NIT2: variants seen among roughly 807,000 people sequenced by gnomAD.
The protein encoded by NIT2 is omega-amidase NIT2.
In NIT2, 46 loss-of-function variants were observed where a neutral mutation model predicts 42.7. The observed-to-expected ratio is 1.08, with a 90% confidence interval of 0.85 to 1.38. NIT2 has a LOEUF of 1.38. NIT2 is among the 40% of genes most tolerant of loss of function. The probability of loss-of-function intolerance (pLI) is 0.00; values close to 1 mark genes in which losing one functional copy is unlikely to be tolerated. For missense variants in NIT2, 309 were observed against 342.5 expected (o/e 0.90, Z 0.77); for synonymous variants, 123 against 121.9 (o/e 1.01, Z -0.06).
At chr3:100,345,906 G>A in intron 5 of NIT2, 2 of 596,698 alleles carry the variant, frequency 3.4e-6, no homozygotes, top group East Asian at 2.8e-5. Context: ...ACGGCTTCCA[G>A]AGTATACCTA....
chr3:100,344,005 CT>C (rs111549765), intron 4 of NIT2, among the ~76,000 whole-genome samples: 1,631 of 152,350 alleles, frequency 0.011, 29 homozygotes, highest in African/African-American at 0.038. Flanking sequence ...TGGGCAGCAA[CT>C]TTAGCTGCTC....
chr3:100,351,070 T>G (rs1706267699), intron 7 of NIT2, among the ~76,000 whole-genome samples: 1 of 152,136 alleles, frequency 6.6e-6, no homozygotes, highest in East Asian at 1.9e-4. Context: ...TATTCCATGG[T>G]GTATATGTGC....
chr3:100,341,481 G>A (rs1037167334), intron 4 of NIT2, among the ~76,000 whole-genome samples: 6 of 151,876 alleles, frequency 4.0e-5, no homozygotes, highest in African/African-American at 1.5e-4. Flanking sequence ...CCATTCTCCT[G>A]CCTCAGCCTC....
intron 7 of NIT2, 164 bp downstream of exon 7, chr3:100,349,045 C>A: frequency 1.8e-6 from 1 of 553,096 alleles, no homozygotes; most frequent in Non-Finnish European, 3.2e-6. Flanking sequence ...AGGAGGACTT[C>A]TACTGCACGT....
intron 4 of NIT2, among the ~76,000 whole-genome samples, chr3:100,344,134 T>A (rs901829371): frequency 6.6e-6 from 1 of 152,234 alleles, no homozygotes. Flanking sequence ...ATTTCAGGAT[T>A]TCCCCCCTTG....
chr3:100,336,470 G>C (rs1426303865), intron 1 of NIT2, among the ~76,000 whole-genome samples: 1 of 152,088 alleles, frequency 6.6e-6, no homozygotes, highest in Non-Finnish European at 1.5e-5. Context: ...GGAGGATCCC[G>C]TCGGCCTCTG....
intron 4 of NIT2, among the ~76,000 whole-genome samples, chr3:100,343,168 A>G (rs1429247462): frequency 6.7e-6 from 1 of 149,356 alleles, no homozygotes; most frequent in Non-Finnish European, 1.5e-5. Flanking sequence ...AGTTCTTAGT[A>G]TTTTGACTCT....
chr3:100,351,944 C>A (rs759280875), intron 7 of NIT2, among the ~76,000 whole-genome samples: 1 of 151,868 alleles, frequency 6.6e-6, no homozygotes, highest in African/African-American at 2.4e-5. Context: ...AAAAAGTGGG[C>A]GAAGGACATG....
chr3:100,340,008 C>A, intron 3 of NIT2, 73 bp downstream of exon 3: 1 of 1,281,396 alleles, frequency 7.8e-7, no homozygotes, highest in South Asian at 1.6e-5. Context: ...TGGTGGCGTG[C>A]GCCTGTATTC....
intron 1 of NIT2, among the ~76,000 whole-genome samples, chr3:100,336,137 T>A (rs1284057392): frequency 6.6e-6 from 1 of 152,238 alleles, no homozygotes; most frequent in African/African-American, 2.4e-5. Flanking sequence ...ATGGGACATC[T>A]GAGTTTTCCT....
intron 3 of NIT2, among the ~76,000 whole-genome samples, chr3:100,340,492 AAAAT>A (rs1191624660): frequency 6.6e-6 from 1 of 152,252 alleles, no homozygotes; most frequent in Non-Finnish European, 1.5e-5. Flanking sequence ...GCTTAAATAA[AAAAT>A]AAACACAGAA....
At chr3:100,341,209 C>T in intron 4 of NIT2, 48 bp downstream of exon 4, 1 of 1,409,052 alleles carries the variant, frequency 7.1e-7, no homozygotes, top group Non-Finnish European at 1.0e-6. Context: ...AAGCCAGCAA[C>T]AATGTGTGGA....
chr3:100,341,651 A>T (rs1431626317), intron 4 of NIT2, among the ~76,000 whole-genome samples: 1 of 151,504 alleles, frequency 6.6e-6, no homozygotes, highest in African/African-American at 2.4e-5. Flanking sequence ...TACAGGCATG[A>T]GCCACCGTGC....
chr3:100,339,819 G>A lies in NIT2; in HGVS notation c.131G>A (p.Cys44Tyr), dbSNP rs929254204. The part of the protein sequence containing the change: ...QGAKIVSLPE[C>Y]FNSPYGAKYF... ...TCTCTGCCAATATTTTTCTAGGAATGCTTTAATTCTCCATATGGAGCGAAA... is the reference window on the plus strand; with the variant it reads ...TCTCTGCCAATATTTTTCTAGGAATACTTTAATTCTCCATATGGAGCGAAA... The change falls in exon 3 of 10, where the codon TGC (cysteine) becomes TAC (tyrosine). Residue 44 changes from cysteine (C) to tyrosine (Y), a missense_variant. By Grantham distance (194) the Cys-to-Tyr change is radical (BLOSUM62 -2). Transcript: ENST00000394140. 6 of 1,601,940 alleles carry A rather than the reference G, an allele frequency of 3.7e-6. No individual in the cohort carries two copies. The highest frequency in any genetic ancestry group is 5.1e-6 in the Non-Finnish European group (6 of 1,176,120).
intron 3 of NIT2, among the ~76,000 whole-genome samples, chr3:100,340,739 A>G (rs1706140393): frequency 6.6e-6 from 1 of 152,198 alleles, no homozygotes; most frequent in Non-Finnish European, 1.5e-5. Flanking sequence ...GTGTTACTCA[A>G]GATCATGGCT....
At chr3:100,339,257 C>A in intron 2 of NIT2, 52 bp downstream of exon 2, 1 of 1,147,232 alleles carries the variant, frequency 8.7e-7, no homozygotes, top group Non-Finnish European at 1.3e-6. Context: ...CCAAGCAGAA[C>A]GGTGTTTGCT....
chr3:100,356,192 A>G lies in NIT2; in HGVS notation c.*924A>G, dbSNP rs1327109465. The stretch of plus-strand genomic sequence containing the variant: ...GTTCAGCCAGAGACCCTATCTCACT[A>G]TATATATGTATCTCAAAGACTTCAA... On this transcript the variant is annotated 3_prime_UTR_variant, in exon 10 of 10. Transcript: ENST00000394140. 1 of 152,200 alleles carries G rather than the reference A, an allele frequency of 6.6e-6. No individual in the cohort carries two copies. The highest frequency in any genetic ancestry group is 2.4e-5 in the African/African-American group (1 of 41,450). The allele number at this position is 152,200 out of a possible 1,614,324, so 9.4% of individuals were successfully genotyped here.
rs1186191582 is a variant in NIT2 at position 100,355,434 on chromosome 3, C to T, written c.*166C>T. 4 of 551,210 alleles carry T rather than the reference C, an allele frequency of 7.3e-6. No homozygotes were observed. Among genetic ancestry groups the T allele is most frequent in the Admixed American group, 3.4e-5 (1 of 29,256 alleles). 34.1% of individuals were successfully genotyped at this position (551,210 alleles called of 1,614,324 possible). Reference sequence around the variant, plus strand: ...CATTATGCTGACATTTTCCACGCCACATTAAATAGTTAAAAAGGATGCAGC... The same window carrying T: ...CATTATGCTGACATTTTCCACGCCATATTAAATAGTTAAAAAGGATGCAGC... On this transcript the variant is annotated 3_prime_UTR_variant, in exon 10 of 10. Transcript: ENST00000394140.
At chr3:100,355,123 T>A in intron 9 of NIT2, 54 bp from the exon 10 acceptor site, 1 of 1,315,748 alleles carries the variant, frequency 7.6e-7, no homozygotes, top group Non-Finnish European at 1.1e-6. Context: ...AGAAATCCCC[T>A]TGGTTAGTGA....
Sources: gnomAD v4.1 joint callset for allele counts (sites outside exome capture counted in the v4.1 genomes callset) on GRCh38, gnomAD v4.1.1 for gene constraint, MANE v1.5 for transcripts, NCBI Gene and HGNC (gene_info 2026-07-23, HGNC 2026-07-21) for gene names.